Variants in RMDN2 observed in about 807,000 individuals in gnomAD.
RMDN2 encodes regulator of microtubule dynamics protein 2.
RMDN2 carries 61 observed loss-of-function variants against 52.8 expected under a neutral mutation model. The ratio of observed to expected loss-of-function variants is 1.16; its 90% CI spans 0.94 to 1.43. RMDN2 has a LOEUF of 1.43. Among genes scored for constraint, RMDN2 ranks in the 40% most tolerant of loss-of-function variants. The pLI is 0.00. For synonymous variants in RMDN2, 180 were observed against 153.1 expected, an observed-to-expected ratio of 1.18 and a Z score of -1.30; for missense variants, 592 against 475.3, an observed-to-expected ratio of 1.25 and a Z score of -2.28.
intron 4 of RMDN2, among the ~76,000 whole-genome samples, chr2:37,980,090 A>G (rs1025901570): frequency 2.6e-5 from 4 of 152,104 alleles, no homozygotes; most frequent in African/African-American, 9.7e-5. Context: ...AAATATTTTT[A>G]TTTATAAAGA....
At chr2:38,000,665 A>C (rs1676194027) in intron 8 of RMDN2, among the ~76,000 whole-genome samples, 1 of 152,182 alleles carries the variant, frequency 6.6e-6, no homozygotes. Flanking sequence ...CATTTTATTG[A>C]GTGTATCAGC....
chr2:38,047,763 G>A (rs987925101), intron 10 of RMDN2, among the ~76,000 whole-genome samples: 3 of 152,190 alleles, frequency 2.0e-5, no homozygotes, highest in African/African-American at 4.8e-5. Context: ...ACGGTTAACT[G>A]TCTGCATCTC....
At chr2:37,960,253 C>G (rs1215201869) in intron 2 of RMDN2, among the ~76,000 whole-genome samples, 1 of 152,060 alleles carries the variant, frequency 6.6e-6, no homozygotes, top group East Asian at 1.9e-4. Flanking sequence ...TTTAAAGTCT[C>G]CCACTATTAA....
chr2:37,966,526 C>A (rs1674668044), intron 2 of RMDN2, among the ~76,000 whole-genome samples: 2 of 152,012 alleles, frequency 1.3e-5, no homozygotes, highest in African/African-American at 4.8e-5. Context: ...TCTTCTCCTT[C>A]TGGAACCCCT....
chr2:37,937,203 C>G (rs1358933456), intron 2 of RMDN2, among the ~76,000 whole-genome samples: 1 of 152,056 alleles, frequency 6.6e-6, no homozygotes, highest in African/African-American at 2.4e-5. Context: ...TGTCAAAGAT[C>G]AGATGGTTGT....
rs531302095 is a variant in RMDN2, at chr2:37,962,732, G to T, written c.453-11308G>T. Among the ~76,000 whole-genome samples the T allele has an allele frequency of 3.3e-5, 5 of 151,796 alleles. No individual in the cohort carries two copies. The South Asian group carries it at 1.0e-3, about 32-fold the overall frequency. On this transcript the variant is annotated intron_variant, in intron 2 of 10. Transcript: ENST00000354545. ...TCTTTCTGGGGTTCACACCCCAGAT[G>T]TGACTGGGGTACGAAAAAAAAAAAA...
At chr2:38,041,426 G>A (rs200818932) in intron 10 of RMDN2, among the ~76,000 whole-genome samples, 2 of 73,034 alleles carry the variant, frequency 2.7e-5, no homozygotes, top group Non-Finnish European at 4.9e-5. Flanking sequence ...TTTTTTTATT[G>A]GTTTTTTTTT....
At chr2:37,975,149 A>G (rs1044554640) in intron 3 of RMDN2, 63 bp from the exon 4 acceptor site, 1 of 972,280 alleles carries the variant, frequency 1.0e-6, no homozygotes, top group Non-Finnish European at 1.6e-6. Context: ...GCAGTAGAAA[A>G]CAAGAATAGA....
At chr2:37,979,040 A>G (rs1372770679) in intron 4 of RMDN2, among the ~76,000 whole-genome samples, 2 of 152,214 alleles carry the variant, frequency 1.3e-5, no homozygotes, top group Admixed American at 6.5e-5. Context: ...AAAATGAAGC[A>G]TAGAATTGAA....
intron 10 of RMDN2, among the ~76,000 whole-genome samples, chr2:38,038,797 A>T (rs994240383): frequency 2.6e-5 from 4 of 152,096 alleles, no homozygotes; most frequent in African/African-American, 9.7e-5. Context: ...GGGCAGAGAC[A>T]CTTTGGGCTG....
intron 10 of RMDN2, among the ~76,000 whole-genome samples, chr2:38,062,006 A>G (rs1432762887): frequency 6.6e-6 from 1 of 152,204 alleles, no homozygotes; most frequent in African/African-American, 2.4e-5. Flanking sequence ...CAGTGTTGCC[A>G]TCTCGTTTCC....
intron 2 of RMDN2, among the ~76,000 whole-genome samples, chr2:37,942,375 T>A (rs1667870662): frequency 6.6e-6 from 1 of 152,252 alleles, no homozygotes; most frequent in Admixed American, 6.5e-5. Context: ...TCATGTTTTG[T>A]TCTTATAAAC....
At chr2:37,965,092 TTCCA>T (rs1407047046) in intron 2 of RMDN2, among the ~76,000 whole-genome samples, 1 of 152,168 alleles carries the variant, frequency 6.6e-6, no homozygotes, top group Non-Finnish European at 1.5e-5. Flanking sequence ...TTTTCTGTCC[TTCCA>T]TATTCAACAT....
At chr2:37,977,273 CTT>C (rs1672603960) in intron 4 of RMDN2, among the ~76,000 whole-genome samples, 1 of 152,240 alleles carries the variant, frequency 6.6e-6, no homozygotes, top group Admixed American at 6.5e-5. Flanking sequence ...TCTGATCTCT[CTT>C]TCTTTTCCCC....
At chr2:37,992,567 T>C (rs776680023) in intron 7 of RMDN2, among the ~76,000 whole-genome samples, 2 of 152,262 alleles carry the variant, frequency 1.3e-5, no homozygotes, top group Non-Finnish European at 2.9e-5. Context: ...ATCTGAAATC[T>C]CTTCAAGGAA....
chr2:37,950,705 T>G, intron 2 of RMDN2: 1 of 1,033,736 alleles, frequency 9.7e-7, no homozygotes, highest in Non-Finnish European at 1.5e-6. Context: ...TATCCTGGAC[T>G]GTCCAGATAT....
chr2:38,040,504 G>C (rs1454372176), intron 10 of RMDN2, among the ~76,000 whole-genome samples: 1 of 152,164 alleles, frequency 6.6e-6, no homozygotes, highest in Non-Finnish European at 1.5e-5. Flanking sequence ...AGCAGAGCAA[G>C]TCCTCACCAG....
chr2:37,955,116 A>G (rs552931591), intron 2 of RMDN2, among the ~76,000 whole-genome samples: 1 of 152,064 alleles, frequency 6.6e-6, no homozygotes, highest in South Asian at 2.1e-4. Flanking sequence ...TTTTTTTCCT[A>G]CCTAAAGATT....
At chr2:37,984,052 C>A (rs1007466505) in intron 5 of RMDN2, among the ~76,000 whole-genome samples, 9 of 152,060 alleles carry the variant, frequency 5.9e-5, no homozygotes, top group Admixed American at 2.0e-4. Flanking sequence ...GGTTTACAAA[C>A]CTTCAGTTTG....
Sources: gnomAD v4.1 joint callset for allele counts (sites outside exome capture counted in the v4.1 genomes callset) on GRCh38, gnomAD v4.1.1 for gene constraint, MANE v1.5 for transcripts, NCBI Gene and HGNC (gene_info 2026-07-23, HGNC 2026-07-21) for gene names.